Variants in SLC2A13 observed in about 807,000 individuals in gnomAD.
SLC2A13 encodes solute carrier family 2 member 13.
Under a neutral mutation model 64.4 loss-of-function variants are expected in SLC2A13, and 32 were observed. The observed-to-expected ratio is 0.50, with a 90% CI of 0.37 to 0.67. The LOEUF (loss-of-function observed/expected upper bound fraction) is 0.67. Among genes scored for constraint, SLC2A13 ranks in the 30% least tolerant of loss-of-function variants. The pLI is 0.00. For missense variants in SLC2A13, 743 were observed against 829.2 expected, an observed-to-expected ratio of 0.90 and a Z score of 1.28; for synonymous variants, 338 against 327.1, an observed-to-expected ratio of 1.03 and a Z score of -0.36.
At chr12:39,960,962 G>A (rs967588206) in intron 3 of SLC2A13, among the ~76,000 whole-genome samples, 10 of 151,426 alleles carry the variant, frequency 6.6e-5, no homozygotes, top group East Asian at 5.8e-4. Flanking sequence ...GGCCATGCTG[G>A]TCTCGAACTC....
At chr12:40,017,985 A>C (rs1947647261) in intron 3 of SLC2A13, among the ~76,000 whole-genome samples, 1 of 151,408 alleles carries the variant, frequency 6.6e-6, no homozygotes, top group Non-Finnish European at 1.5e-5. Context: ...TTAAAAAAAA[A>C]AAAAAAAAGA....
chr12:40,012,787 G>A (rs536145674), intron 3 of SLC2A13, among the ~76,000 whole-genome samples: 7 of 152,162 alleles, frequency 4.6e-5, no homozygotes, highest in South Asian at 4.1e-4. Context: ...ACAGCATATC[G>A]CAAACTTCCC....
chr12:39,922,405 A>G (rs1342365372), intron 4 of SLC2A13, among the ~76,000 whole-genome samples: 1 of 152,190 alleles, frequency 6.6e-6, no homozygotes, highest in Non-Finnish European at 1.5e-5. Context: ...CAAAAAAGAG[A>G]TTAGTATTTC....
chr12:40,076,281 G>A (rs1938171720), intron 1 of SLC2A13, among the ~76,000 whole-genome samples: 1 of 152,080 alleles, frequency 6.6e-6, no homozygotes, highest in Non-Finnish European at 1.5e-5. Context: ...GTACCTGATA[G>A]GTAGTTTTTT....
chr12:39,824,988 T>A (rs761560817), intron 7 of SLC2A13, among the ~76,000 whole-genome samples: 3 of 152,092 alleles, frequency 2.0e-5, no homozygotes, highest in South Asian at 2.1e-4. Context: ...AGAATCTGTG[T>A]GGGAGAGTGG....
chr12:39,955,197 G>A (rs1161886598), intron 3 of SLC2A13, among the ~76,000 whole-genome samples: 1 of 152,094 alleles, frequency 6.6e-6, no homozygotes, highest in Non-Finnish European at 1.5e-5. Flanking sequence ...AATTAACATA[G>A]AAATCAGTAA....
chr12:39,909,039 A>G (rs1945362478), intron 4 of SLC2A13, among the ~76,000 whole-genome samples: 1 of 151,988 alleles, frequency 6.6e-6, no homozygotes, highest in Non-Finnish European at 1.5e-5. Context: ...ATTTCATGGG[A>G]GCAGAGGCAA....
intron 4 of SLC2A13, among the ~76,000 whole-genome samples, chr12:39,896,922 C>T (rs1944937683): frequency 6.6e-6 from 1 of 151,954 alleles, no homozygotes; most frequent in Non-Finnish European, 1.5e-5. Context: ...TTTGAACTTC[C>T]CAGAGAATGA....
chr12:39,797,687 T>A (rs1391279578), intron 7 of SLC2A13, among the ~76,000 whole-genome samples: 2 of 148,170 alleles, frequency 1.3e-5, no homozygotes, highest in Non-Finnish European at 1.5e-5. Context: ...TCAAATAAAA[T>A]GAAAAGCTAA....
At position 40,106,044 on chromosome 12, in the gene SLC2A13, ACGCCCC is replaced by A. The variant is rs1374525166; in HGVS notation, c.-242_-237del. Reference sequence around the variant, plus strand: ...GCCCGGCGGGTCTCACTCCACACTCACGCCCCGCGCCTGCCGAGCTGGCGCTGCGGA... The same window carrying A: ...GCCCGGCGGGTCTCACTCCACACTCAGCGCCTGCCGAGCTGGCGCTGCGGA... On this transcript the variant is annotated 5_prime_UTR_variant, in exon 1 of 10. Transcript: ENST00000280871. 4 of 358,650 alleles carry A rather than the reference ACGCCCC, an allele frequency of 1.1e-5. No homozygotes were observed. In the East Asian group the frequency reaches 1.4e-4, roughly 12 times the overall value. The allele number at this position is 358,650 out of a possible 1,614,324, so 22.2% of individuals were successfully genotyped here. A position where few individuals can be genotyped will look rare whatever the true frequency, so the allele number is the denominator to read the frequency against.
chr12:40,027,768 C>T (rs1235302252), intron 3 of SLC2A13, among the ~76,000 whole-genome samples: 1 of 152,158 alleles, frequency 6.6e-6, no homozygotes, highest in Non-Finnish European at 1.5e-5. Context: ...CTACCTTTTC[C>T]TCGTTTACAT....
At chr12:39,772,930 A>G (rs1054675802) in intron 7 of SLC2A13, among the ~76,000 whole-genome samples, 3 of 152,242 alleles carry the variant, frequency 2.0e-5, no homozygotes, top group African/African-American at 7.2e-5. Flanking sequence ...GCAGAGTTAC[A>G]TACTCAGCAA....
At chr12:39,915,166 T>A (rs939496239) in intron 4 of SLC2A13, among the ~76,000 whole-genome samples, 1 of 151,948 alleles carries the variant, frequency 6.6e-6, no homozygotes, top group African/African-American at 2.4e-5. Context: ...GAAAAGTCAG[T>A]GGGACAAGAT....
intron 3 of SLC2A13, among the ~76,000 whole-genome samples, chr12:39,985,047 A>G (rs545883720): frequency 1.8e-4 from 27 of 152,276 alleles, no homozygotes; most frequent in African/African-American, 6.5e-4. Context: ...TAAGTTACTC[A>G]CACATATGGG....
At chr12:39,898,103 GT>G (rs1346284194) in intron 4 of SLC2A13, among the ~76,000 whole-genome samples, 2 of 151,994 alleles carry the variant, frequency 1.3e-5, no homozygotes, top group Admixed American at 1.3e-4. Context: ...TATAATTTTT[GT>G]TCTTATTTAA....
intron 7 of SLC2A13, among the ~76,000 whole-genome samples, chr12:39,825,174 G>A (rs1192163704): frequency 6.6e-6 from 1 of 152,132 alleles, no homozygotes; most frequent in East Asian, 1.9e-4. Flanking sequence ...TACTGAATCA[G>A]CGCATTAAGA....
At chr12:40,048,782 C>A (rs912957575) in intron 1 of SLC2A13, among the ~76,000 whole-genome samples, 4 of 152,024 alleles carry the variant, frequency 2.6e-5, no homozygotes, top group African/African-American at 9.7e-5. Flanking sequence ...ATTATATTAG[C>A]TTTAAATTTT....
At chr12:39,774,199 G>T (rs1940689259) in intron 7 of SLC2A13, among the ~76,000 whole-genome samples, 1 of 152,126 alleles carries the variant, frequency 6.6e-6, no homozygotes, top group African/African-American at 2.4e-5. Flanking sequence ...TCCAGGATAG[G>T]ACACCTTCAC....
Position 39,867,860 on chromosome 12 carries a change from C to G in SLC2A13, c.1199-2978G>C, listed in dbSNP as rs550555672. On this transcript the variant is annotated intron_variant, in intron 5 of 9. Coordinates refer to ENST00000280871, the MANE Select transcript of SLC2A13 (RefSeq NM_052885.4). Reference sequence around the variant, plus strand: ...AGTACAAAATATCTGAGTTTTAAAGCTTTCCACAAGTGGTTATGATGCCAA... The same window carrying G: ...AGTACAAAATATCTGAGTTTTAAAGGTTTCCACAAGTGGTTATGATGCCAA... Among the ~76,000 whole-genome samples the G allele has an allele frequency of 1.7e-4, 26 of 152,272 alleles. No homozygotes were observed. In the East Asian group the frequency reaches 1.9e-3, roughly 11 times the overall value.
Sources: allele counts gnomAD v4.1 joint callset (sites outside exome capture counted in the v4.1 genomes callset), GRCh38; gene constraint gnomAD v4.1.1; transcripts MANE v1.5; gene names NCBI Gene and HGNC (gene_info 2026-07-23, HGNC 2026-07-21).